NUP205: variants seen among roughly 807,000 people sequenced by gnomAD.
NUP205 encodes the protein nuclear pore complex protein Nup205.
A neutral mutation model predicts 253.8 loss-of-function variants in NUP205; 76 were observed. That is an observed-to-expected ratio of 0.30 (90% CI 0.25 to 0.36). The LOEUF (loss-of-function observed/expected upper bound fraction) is 0.36. Ranked by LOEUF, NUP205 falls within the 10% of genes least tolerant of loss-of-function variation. The pLI is 1.00. For synonymous variants in NUP205, 832 were observed against 850.1 expected (o/e 0.98, Z 0.37); for missense variants, 2,162 against 2,425.5 (o/e 0.89, Z 2.28).
rs1415139397 is a variant in NUP205, at chr7:135,618,482, A to G, written c.3842A>G (p.His1281Arg). ...CTGCAGTGTCTTCATGCAAAACGTC[A>G]TGCTCTGGAGTCGTGGAGGCAACTA... is the stretch of plus-strand genomic sequence containing the variant. ...KLLQCLHAKR[H>R]ALESWRQLVE... The change falls in exon 28 of 43, where the codon CAT becomes CGT. Residue 1281 changes from histidine to arginine, a missense_variant. This residue lies in a region of NUP205 where 1,144 missense variants were observed against 1,280.9 expected (regional missense o/e 0.89). Transcript: ENST00000285968. 2.5e-6 allele frequency: 4 copies of G among 1,613,992 alleles called. No homozygotes were observed. The highest frequency in any genetic ancestry group is 1.3e-5 in the African/African-American group (1 of 74,894).
intron 2 of NUP205, among the ~76,000 whole-genome samples, chr7:135,572,603 C>T (rs1806028081): frequency 1.3e-5 from 2 of 152,186 alleles, no homozygotes; most frequent in Non-Finnish European, 2.9e-5. Flanking sequence ...ACTCTGTCGT[C>T]CAGTCTGGAG....
Position 135,616,732 on chromosome 7 carries a change from G to A in NUP205, c.3532+6G>A. 6.7e-7 allele frequency: 1 copy of A among 1,498,378 alleles called. No individual in the cohort carries two copies. The highest frequency in any genetic ancestry group is 8.9e-7 in the Non-Finnish European group (1 of 1,119,354). The allele number at this position is 1,498,378 out of a possible 1,614,324, so 92.8% of individuals were successfully genotyped here. A position where few individuals can be genotyped will look rare whatever the true frequency, so the allele number is the denominator to read the frequency against. On this transcript the variant is annotated splice_donor_region_variant and intron_variant, in intron 25 of 42. Transcript: ENST00000285968. ...CTTTGACACTGCTACAAAAGGTAATGCCCTTTGAATTTGTAATAAATTTAT... is the reference window on the plus strand; with the variant it reads ...CTTTGACACTGCTACAAAAGGTAATACCCTTTGAATTTGTAATAAATTTAT...
chr7:135,583,803 A>G lies in NUP205; in HGVS notation c.1043-1029A>G, dbSNP rs550928968. Among the ~76,000 whole-genome samples, 28 of 151,622 alleles carry G rather than the reference A, an allele frequency of 1.8e-4. No homozygotes were observed. In the South Asian group the frequency reaches 5.6e-3, roughly 30 times the overall value. On this transcript the variant is annotated intron_variant, in intron 7 of 42. Coordinates refer to ENST00000285968, the MANE Select transcript of NUP205 (RefSeq NM_015135.3). ...AGATACGATAATGGTGTTGTGTGTG[A>G]GTATGTAGTGAATTTTTACTTTTGC... is the stretch of plus-strand genomic sequence containing the variant.
chr7:135,629,372 G>A (rs943861244), intron 34 of NUP205, among the ~76,000 whole-genome samples: 1 of 151,990 alleles, frequency 6.6e-6, no homozygotes, highest in Non-Finnish European at 1.5e-5. Context: ...CAGGTGTGGT[G>A]GCCCATGCCT....
At chr7:135,562,545 C>CTTTTTTT (rs34482653) in intron 1 of NUP205, among the ~76,000 whole-genome samples, 1 of 97,394 alleles carries the variant, frequency 1.0e-5, no homozygotes, top group Non-Finnish European at 1.9e-5. Context: ...GACCAAAATC[C>CTTTTTTT]TTTTTTTTTT....
rs984822151 is a variant in NUP205 at position 135,648,675 on chromosome 7, A to G, written c.*119A>G. The G allele has an allele frequency of 1.4e-6, 1 of 710,008 alleles. No homozygotes were observed. 44.0% of individuals were successfully genotyped at this position (710,008 alleles called of 1,614,324 possible). Reference sequence around the variant, plus strand: ...TATTTTGCTATTTCTTTCTTTGTATATGGACATCTTTTCTGTAAACTTCTT... The same window carrying G: ...TATTTTGCTATTTCTTTCTTTGTATGTGGACATCTTTTCTGTAAACTTCTT... On this transcript the variant is annotated 3_prime_UTR_variant, in exon 43 of 43. Transcript: ENST00000285968.
In NUP205 at chr7:135,576,894, T is replaced by C. The variant is rs1806167509; in HGVS notation, c.489-75T>C. On this transcript the variant is annotated intron_variant, in intron 4 of 42. Transcript: ENST00000285968. ...AAGGCCCTGTCTCAAAAAAAGAGCG[T>C]TTGCTATACCTATTATTATGAAGAA... 4.9e-6 allele frequency: 7 copies of C among 1,418,882 alleles called. 1 individual carries two copies. The South Asian group carries it at 9.5e-5, about 19-fold the overall frequency. The allele number at this position is 1,418,882 out of a possible 1,614,324, so 87.9% of individuals were successfully genotyped here. A position where few individuals can be genotyped will look rare whatever the true frequency, so the allele number is the denominator to read the frequency against.
At chr7:135,564,245 ATTTTTT>A (rs35094813) in intron 1 of NUP205, among the ~76,000 whole-genome samples, 2 of 124,026 alleles carry the variant, frequency 1.6e-5, no homozygotes, top group African/African-American at 3.1e-5. Flanking sequence ...ATGCCCAGCT[ATTTTTT>A]TTTTTTTTTT....
rs369976492 is a variant in NUP205 at position 135,624,442 on chromosome 7, T to C, written c.4480-722T>C. Among the ~76,000 whole-genome samples the C allele has an allele frequency of 1.9e-4, 29 of 152,292 alleles. No individual in the cohort carries two copies. The East Asian group carries it at 3.3e-3, about 17-fold the overall frequency. Reference sequence around the variant, plus strand: ...CCCAGGCTGGAGTGCAGTGGCACGATCTCGGCTCACTGCAACCTCTGCCTC... The same window carrying C: ...CCCAGGCTGGAGTGCAGTGGCACGACCTCGGCTCACTGCAACCTCTGCCTC... On this transcript the variant is annotated intron_variant, in intron 31 of 42. Transcript: ENST00000285968.
chr7:135,579,018 G>T (rs571312181), intron 7 of NUP205, 103 bp downstream of exon 7: 1 of 849,168 alleles, frequency 1.2e-6, no homozygotes, highest in Non-Finnish European at 1.8e-6. Flanking sequence ...CATAAGCATA[G>T]GAAGATATCC....
Position 135,584,899 on chromosome 7 carries a change from G to A in NUP205, c.1110G>A (p.Leu370=). ...TCGCAATTGCTGACAACGTTTTCCT[G>A]TTCCTCATGGAATCTGTAGTGGTAT... is the stretch of plus-strand genomic sequence containing the variant. ...AELAIADNVF[L]FLMESVVVSE... Residue 370 remains leucine, a synonymous_variant, in exon 8 of 43, where the codon CTG becomes CTA. Coordinates refer to ENST00000285968, the MANE Select transcript of NUP205 (RefSeq NM_015135.3). 3 of 1,614,004 alleles carry A rather than the reference G, an allele frequency of 1.9e-6. No homozygotes were observed. The highest frequency in any genetic ancestry group is 2.5e-6 in the Non-Finnish European group (3 of 1,179,900).
In NUP205 at chr7:135,645,480, C is replaced by T. The variant is rs768064840; in HGVS notation, c.5696C>T (p.Thr1899Ile). ...LLSLCSFIIE[T>I]CLFILWRHLE... is the part of the protein sequence containing the mutation. ...AGCTCTGGTATAGTTATCATAGAGA[C>T]CTGCCTATTTATTCTTTGGCGCCAT... The change falls in exon 41 of 43, where the codon ACC becomes ATC. Residue 1899 changes from threonine to isoleucine, a missense_variant. By Grantham distance (89) the Thr-to-Ile change is moderately conservative. This residue lies in a region of NUP205 where 1,144 missense variants were observed against 1,280.9 expected (regional missense o/e 0.89). Coordinates refer to ENST00000285968, the MANE Select transcript of NUP205 (RefSeq NM_015135.3). The T allele has an allele frequency of 1.2e-6, 2 of 1,613,730 alleles. No individual in the cohort carries two copies. Among genetic ancestry groups the T allele is most frequent in the Middle Eastern group, 1.6e-4 (1 of 6,078 alleles).
At chr7:135,604,295 C>A in intron 18 of NUP205, 45 bp from the exon 19 acceptor site, 1 of 1,546,012 alleles carries the variant, frequency 6.5e-7, no homozygotes, top group Non-Finnish European at 8.7e-7. Flanking sequence ...AGTGAGACAC[C>A]AAAAATTTTA....
In NUP205 at chr7:135,637,995, A is replaced by G. The variant is rs1794845397; in HGVS notation, c.5201A>G (p.Gln1734Arg). 1 of 1,614,000 alleles carries G rather than the reference A, an allele frequency of 6.2e-7. No homozygotes were observed. The highest frequency in any genetic ancestry group is 8.5e-7 in the Non-Finnish European group (1 of 1,179,980). Reference protein sequence around the residue: ...GSDRLRQFKFQDDNVEGDKVS... With the variant: ...GSDRLRQFKFRDDNVEGDKVS... ...GACAGACTGCGTCAGTTTAAATTTCAAGACGATAATGTGGAGGGAGATAAA... is the reference window on the plus strand; with the variant it reads ...GACAGACTGCGTCAGTTTAAATTTCGAGACGATAATGTGGAGGGAGATAAA... Residue 1734 changes from glutamine (Q) to arginine (R), a missense_variant, in exon 37 of 43, where the codon CAA becomes CGA. Physicochemically the swap from Gln to Arg is conservative, Grantham distance 43. This residue lies in a region of NUP205 where 1,144 missense variants were observed against 1,280.9 expected (regional missense o/e 0.89). Transcript: ENST00000285968.
At chr7:135,615,572 T>C (rs1235573400) in intron 23 of NUP205, among the ~76,000 whole-genome samples, 1 of 152,228 alleles carries the variant, frequency 6.6e-6, no homozygotes, top group Non-Finnish European at 1.5e-5. Context: ...TTTTGAGTTA[T>C]GTATTTGAAA....
chr7:135,562,164 C>T (rs931860050), intron 1 of NUP205, among the ~76,000 whole-genome samples: 3 of 152,104 alleles, frequency 2.0e-5, no homozygotes, highest in African/African-American at 4.8e-5. Context: ...GGGTTAACTT[C>T]TGTTTCTTGT....
intron 30 of NUP205, among the ~76,000 whole-genome samples, chr7:135,622,364 A>AGT (rs1271151844): frequency 6.6e-6 from 1 of 150,582 alleles, no homozygotes; most frequent in Non-Finnish European, 1.5e-5. Context: ...TGGAGGCTGC[A>AGT]GTGAGCCAAG....
chr7:135,570,052 TAGAGAGAGAGAGAGAGAGAGAG>T (rs373590569), intron 1 of NUP205, among the ~76,000 whole-genome samples: 2 of 79,166 alleles, frequency 2.5e-5, no homozygotes, highest in Non-Finnish European at 4.8e-5. Flanking sequence ...TATATATATA[TAGAGAGAGAGAGAGAGAGAGAG>T]AGAGAGAGAG....
At chr7:135,600,338 CACGG>C (rs1793940687) in intron 15 of NUP205, among the ~76,000 whole-genome samples, 1 of 152,142 alleles carries the variant, frequency 6.6e-6, no homozygotes, top group African/African-American at 2.4e-5. Context: ...TGACTATAGT[CACGG>C]ATGGAACCCT....
Sources: allele counts gnomAD v4.1 joint callset (sites outside exome capture counted in the v4.1 genomes callset), GRCh38; gene constraint gnomAD v4.1.1; regional missense constraint gnomAD v4.1.1; transcripts MANE v1.5; gene names NCBI Gene and HGNC (gene_info 2026-07-23, HGNC 2026-07-21).